RIPOR2: variants seen among roughly 807,000 people sequenced by gnomAD.
RIPOR2 encodes RHO family interacting cell polarization regulator 2.
Under a neutral mutation model 114.5 loss-of-function variants are expected in RIPOR2, and 39 were observed. The ratio of observed to expected loss-of-function variants is 0.34; its 90% CI spans 0.26 to 0.44. RIPOR2 has a LOEUF of 0.44. RIPOR2 is among the 20% of genes least tolerant of loss of function. The pLI, the probability that RIPOR2 is intolerant of heterozygous loss-of-function variation, is 1.00. For missense variants in RIPOR2, 1,007 were observed against 1,255.1 expected (o/e 0.80, Z 2.99); for synonymous variants, 445 against 484.4 (o/e 0.92, Z 1.07).
At chr6:25,008,834 G>A (rs771706799) in intron 1 of RIPOR2, among the ~76,000 whole-genome samples, 13 of 152,216 alleles carry the variant, frequency 8.5e-5, no homozygotes, top group Non-Finnish European at 1.9e-4. Context: ...GGCATTTGTG[G>A]GTCTCCTTCC....
chr6:24,862,872 C>T (rs1764212963), intron 7 of RIPOR2, among the ~76,000 whole-genome samples: 1 of 151,384 alleles, frequency 6.6e-6, no homozygotes, highest in Non-Finnish European at 1.5e-5. Context: ...CCTACCTTGA[C>T]CTCATTGTTA....
upstream of RIPOR2, among the ~76,000 whole-genome samples, chr6:24,938,597 G>A (rs528734711): frequency 1.5e-4 from 23 of 152,324 alleles, no homozygotes; most frequent in Admixed American, 1.4e-3. Flanking sequence ...GTCTCTCACA[G>A]GGACGCTTAG....
At chr6:24,967,322 G>A (rs575806989) in intron 1 of RIPOR2, among the ~76,000 whole-genome samples, 1 of 152,322 alleles carries the variant, frequency 6.6e-6, no homozygotes, top group Admixed American at 6.5e-5. Flanking sequence ...GAAGAAGCAT[G>A]TTGGGGGAAG....
chr6:24,863,372 A>T lies in RIPOR2; in HGVS notation c.651+1929T>A, dbSNP rs906181694. Among the ~76,000 whole-genome samples the T allele has an allele frequency of 8.5e-5, 13 of 152,350 alleles. 1 individual carries two copies. The highest frequency in any genetic ancestry group is 1.8e-4 in the Non-Finnish European group (12 of 68,038). ...TGTCTTTGAATTTGTGAGCAAGGTC[A>T]TGATGCCATGCCCTGGCACTTGATC... is the stretch of plus-strand genomic sequence containing the variant. On this transcript the variant is annotated intron_variant, in intron 7 of 21. Coordinates refer to ENST00000643898, the MANE Select transcript of RIPOR2 (RefSeq NM_001286445.3).
intron 19 of RIPOR2, 33 bp downstream of exon 19, chr6:24,825,192 CT>C: frequency 2.0e-6 from 3 of 1,476,252 alleles, no homozygotes; most frequent in Non-Finnish European, 2.8e-6. Flanking sequence ...ATTAAACCAG[CT>C]TCTGGCTTGA....
chr6:24,898,781 C>T (rs1768128242), intron 1 of RIPOR2, among the ~76,000 whole-genome samples: 1 of 152,158 alleles, frequency 6.6e-6, no homozygotes, highest in Admixed American at 6.5e-5. Flanking sequence ...TAGGTGATAA[C>T]TTCCTTTGTT....
Position 24,851,307 on chromosome 6 carries a change from C to T in RIPOR2, c.760-585G>A, listed in dbSNP as rs374456645. 4.8e-4 allele frequency among the ~76,000 whole-genome samples: 73 copies of T among 152,316 alleles called. No individual in the cohort carries two copies. In the South Asian group the frequency reaches 0.014, roughly 29 times the overall value. On this transcript the variant is annotated intron_variant, in intron 9 of 21. Coordinates refer to ENST00000643898, the MANE Select transcript of RIPOR2 (RefSeq NM_001286445.3). ...TTCTGCTCACTCATGCCAAGCAGTT[C>T]TCTCTCTTGTTAGTTCTACTTCAAT...
At chr6:25,010,699 G>A (rs986036358) in intron 1 of RIPOR2, among the ~76,000 whole-genome samples, 4 of 152,138 alleles carry the variant, frequency 2.6e-5, no homozygotes, top group African/African-American at 9.7e-5. Context: ...ATATTATTCA[G>A]GCAAGCAGGA....
intron 1 of RIPOR2, among the ~76,000 whole-genome samples, chr6:24,987,814 A>G (rs1481812832): frequency 1.3e-5 from 2 of 152,352 alleles, no homozygotes; most frequent in South Asian, 2.1e-4. Flanking sequence ...AGTGTTCATA[A>G]TATTATCTCT....
At chr6:24,899,503 A>G (rs1768204186) in intron 1 of RIPOR2, among the ~76,000 whole-genome samples, 1 of 152,178 alleles carries the variant, frequency 6.6e-6, no homozygotes, top group Non-Finnish European at 1.5e-5. Context: ...ACCACTTTAA[A>G]TCTTTTCTGA....
chr6:24,984,648 T>C, intron 1 of RIPOR2, among the ~76,000 whole-genome samples: 1 of 6,700 alleles, frequency 1.5e-4, no homozygotes, highest in African/African-American at 5.3e-4. Flanking sequence ...AGACCCCGTC[T>C]CTCAAAAAAA....
At chr6:24,915,258 T>A (rs1247710115) in intron 1 of RIPOR2, among the ~76,000 whole-genome samples, 1 of 152,152 alleles carries the variant, frequency 6.6e-6, no homozygotes, top group Admixed American at 6.5e-5. Flanking sequence ...AGTTTTGCAC[T>A]CCTTTCTAAT....
At chr6:25,020,574 C>T (rs1026716939) in intron 1 of RIPOR2, among the ~76,000 whole-genome samples, 2 of 152,196 alleles carry the variant, frequency 1.3e-5, no homozygotes, top group African/African-American at 4.8e-5. Context: ...CCCACCAGTT[C>T]CTTTCTGATA....
chr6:24,883,525 A>G lies in RIPOR2; in HGVS notation c.62-7708T>C, dbSNP rs1766534531. Among the ~76,000 whole-genome samples the G allele has an allele frequency of 6.6e-6, 1 of 152,234 alleles. No homozygotes were observed. Among genetic ancestry groups the G allele is most frequent in the South Asian group, 2.1e-4 (1 of 4,834 alleles). ...GGTGGTGGAAGTGTTCTAAAAGCAA[A>G]TCATGGATGATGGTAGCACAAATGT... On this transcript the variant is annotated intron_variant, in intron 1 of 21. Coordinates refer to ENST00000643898, the MANE Select transcript of RIPOR2 (RefSeq NM_001286445.3). This position sits in a 1 kb window ranked among gnomAD's most constrained non-coding sequence, Gnocchi z 4.1.
chr6:24,858,783 C>G lies in RIPOR2; in HGVS notation c.715+2190G>C, dbSNP rs62402002. Among the ~76,000 whole-genome samples the G allele has an allele frequency of 0.31, 47,668 of 151,928 alleles. 7,937 individuals carry two copies. Among genetic ancestry groups the G allele is most frequent in the Non-Finnish European group, 0.38 (25,530 of 67,932 alleles). On this transcript the variant is annotated intron_variant, in intron 8 of 21. Transcript: ENST00000643898. This position sits in a 1 kb window ranked among gnomAD's most constrained non-coding sequence, Gnocchi z 4.0. ...GGAGGAGATGGAGGAGCAGGAGCAACAGCAAGTTCATCAGTCCATCAGGGC... is the reference window on the plus strand; with the variant it reads ...GGAGGAGATGGAGGAGCAGGAGCAAGAGCAAGTTCATCAGTCCATCAGGGC...
intron 1 of RIPOR2, among the ~76,000 whole-genome samples, chr6:24,998,788 G>A (rs576491701): frequency 3.9e-5 from 6 of 152,092 alleles, no homozygotes; most frequent in Non-Finnish European, 8.8e-5. Flanking sequence ...AATTCCAATC[G>A]GCCCAAGGTT....
intron 1 of RIPOR2, among the ~76,000 whole-genome samples, chr6:25,027,214 G>A (rs946207102): frequency 1.3e-5 from 2 of 152,202 alleles, no homozygotes; most frequent in South Asian, 4.1e-4. Flanking sequence ...CTTACTTAAT[G>A]CAAACGACAA....
At chr6:24,859,636 G>A (rs1001400391) in intron 8 of RIPOR2, among the ~76,000 whole-genome samples, 4 of 152,134 alleles carry the variant, frequency 2.6e-5, no homozygotes, top group African/African-American at 9.7e-5. Flanking sequence ...CGGATCTGCC[G>A]GAAGAGAAGC....
intron 1 of RIPOR2, among the ~76,000 whole-genome samples, chr6:24,894,386 A>C (rs1387347603): frequency 1.3e-5 from 2 of 152,212 alleles, no homozygotes; most frequent in African/African-American, 4.8e-5. Flanking sequence ...CTGTTCCAAC[A>C]AGATTGTTAG....
Sources: allele counts gnomAD v4.1 joint callset (sites outside exome capture counted in the v4.1 genomes callset), GRCh38; gene constraint gnomAD v4.1.1; non-coding constraint Gnocchi (gnomAD v3.1); transcripts MANE v1.5; gene names NCBI Gene and HGNC (gene_info 2026-07-23, HGNC 2026-07-21).